The following PPP1R1C variants were observed in gnomAD, a reference collection of about 807,000 sequenced individuals.
The protein encoded by PPP1R1C is protein phosphatase 1 regulatory inhibitor subunit 1C, also known as protein phosphatase 1 regulatory subunit 1C.
A neutral mutation model predicts 17.4 loss-of-function variants in PPP1R1C; 15 were observed. The ratio of observed to expected loss-of-function variants is 0.86; its 90% confidence interval spans 0.58 to 1.33. PPP1R1C has a LOEUF of 1.33. Among genes scored for constraint, PPP1R1C ranks in the 40% most tolerant of loss-of-function variants. The pLI is 0.00. For synonymous variants in PPP1R1C, 35 were observed against 43.1 expected, an observed-to-expected ratio of 0.81 and a Z score of 0.73; for missense variants, 143 against 130.0, an observed-to-expected ratio of 1.10 and a Z score of -0.48.
At chr2:182,130,440 G>A (rs928662325), downstream of PPP1R1C, 8 of 152,166 alleles carry the variant, frequency 5.3e-5, no homozygotes, top group Non-Finnish European at 8.8e-5. Flanking sequence ...TGAGGAATGA[G>A]TTTAATTGAC....
intron 1 of PPP1R1C, among the ~76,000 whole-genome samples, chr2:181,971,806 G>A (rs559409369): frequency 2.6e-5 from 4 of 152,208 alleles, no homozygotes; most frequent in East Asian, 1.9e-4. Flanking sequence ...TATAGATGCC[G>A]GCTTAGTTCT....
intron 2 of PPP1R1C, among the ~76,000 whole-genome samples, chr2:182,043,044 A>G (rs1445519977): frequency 7.2e-5 from 11 of 152,262 alleles, no homozygotes; most frequent in Admixed American, 6.5e-4. Flanking sequence ...ATGAGCCACC[A>G]GAAAAATTTT....
intron 4 of PPP1R1C, among the ~76,000 whole-genome samples, chr2:182,083,010 A>G (rs10930987): frequency 0.56 from 84,515 of 151,956 alleles, 23,948 homozygotes; most frequent in Non-Finnish European, 0.61. Context: ...AAAGCCTTGG[A>G]ACATGACCAG....
chr2:182,007,172 G>A (rs1685948022), intron 2 of PPP1R1C, among the ~76,000 whole-genome samples: 1 of 152,064 alleles, frequency 6.6e-6, no homozygotes, highest in South Asian at 2.1e-4. Context: ...AGTTTGATAA[G>A]ATGACATTCT....
At position 181,961,875 on chromosome 2, in the gene PPP1R1C, C is replaced by G; in HGVS notation, n.111+7241C>G. On this transcript the variant is annotated intron_variant and non_coding_transcript_variant, in intron 1 of 5. Coordinates refer to the PPP1R1C transcript ENST00000464264. The surrounding 1 kb of genome is among the most constrained non-coding windows in gnomAD (Gnocchi z 5.8). ...GCAGCTCCTCCTTGAGAGCCTCCAT[C>G]TCTGTCTCCAGTGGCAGCCAAGTGA... 1 of 827,052 alleles carries G rather than the reference C, an allele frequency of 1.2e-6. No individual in the cohort carries two copies. The highest frequency in any genetic ancestry group is 2.5e-5 in the East Asian group (1 of 40,074). 51.2% of individuals were successfully genotyped at this position (827,052 alleles called of 1,614,324 possible).
chr2:182,103,180 A>G (rs1230971092), intron 4 of PPP1R1C, among the ~76,000 whole-genome samples: 2 of 152,228 alleles, frequency 1.3e-5, no homozygotes, highest in Non-Finnish European at 2.9e-5. Context: ...TTAAAAAAAA[A>G]TCTCAAGTTA....
chr2:182,056,009 T>C (rs550398591), intron 2 of PPP1R1C, among the ~76,000 whole-genome samples: 1 of 152,350 alleles, frequency 6.6e-6, no homozygotes, highest in South Asian at 2.1e-4. Flanking sequence ...TTCAATACTA[T>C]ATACTTGTCA....
intron 4 of PPP1R1C, among the ~76,000 whole-genome samples, chr2:182,087,126 T>C (rs971917821): frequency 6.6e-6 from 1 of 152,226 alleles, no homozygotes; most frequent in Non-Finnish European, 1.5e-5. Context: ...GTTGTTATCA[T>C]TGTTGTTTGA....
chr2:181,991,757 C>A (rs1189580816), intron 2 of PPP1R1C, among the ~76,000 whole-genome samples: 1 of 152,154 alleles, frequency 6.6e-6, no homozygotes, highest in East Asian at 1.9e-4. Flanking sequence ...TTAAGGGCCT[C>A]TTTATGATAA....
intron 3 of PPP1R1C, among the ~76,000 whole-genome samples, chr2:182,062,440 G>A (rs75130231): frequency 0.03 from 4,555 of 151,934 alleles, 99 homozygotes; most frequent in African/African-American, 0.056. Context: ...AAACTGATTC[G>A]TTCTCAAAAC....
chr2:182,014,328 T>A (rs143123078), intron 2 of PPP1R1C, among the ~76,000 whole-genome samples: 1,799 of 152,314 alleles, frequency 0.012, 23 homozygotes, highest in South Asian at 0.051. Flanking sequence ...CTTGTTAAAA[T>A]CTGAGGGACT....
rs892238358 is a variant in PPP1R1C at position 182,123,860 on chromosome 2, G to A, written c.*7-5114G>A. On this transcript the variant is annotated intron_variant, in intron 5 of 5. Coordinates refer to the PPP1R1C transcript ENST00000280295. ...CGTACAGAAGCTCTTTAGTTTAATTGGATCCCATTTGTCAATTTTGGCTTT... is the reference window on the plus strand; with the variant it reads ...CGTACAGAAGCTCTTTAGTTTAATTAGATCCCATTTGTCAATTTTGGCTTT... Among the ~76,000 whole-genome samples the A allele has an allele frequency of 7.3e-4, 111 of 151,916 alleles. 7 individuals carry two copies. Among genetic ancestry groups the A allele is most frequent in the Non-Finnish European group, 1.5e-5 (1 of 67,922 alleles).
intron 2 of PPP1R1C, among the ~76,000 whole-genome samples, chr2:181,999,211 C>T (rs1685694561): frequency 1.3e-5 from 2 of 152,116 alleles, no homozygotes; most frequent in South Asian, 4.1e-4. Flanking sequence ...GAAAAAATGC[C>T]TCTAAGCAAC....
chr2:181,973,809 C>T (rs1216483775), intron 1 of PPP1R1C, among the ~76,000 whole-genome samples: 1 of 152,218 alleles, frequency 6.6e-6, no homozygotes, highest in African/African-American at 2.4e-5. Context: ...TATGGCCCCA[C>T]TGACATCTAC....
chr2:182,110,094 A>G (rs943949040), intron 4 of PPP1R1C, among the ~76,000 whole-genome samples: 2 of 142,448 alleles, frequency 1.4e-5, no homozygotes, highest in African/African-American at 5.4e-5. Flanking sequence ...AGTATACCTC[A>G]AGACAGCTAA....
chr2:182,111,459 T>A (rs1689435372), intron 4 of PPP1R1C, among the ~76,000 whole-genome samples: 1 of 152,152 alleles, frequency 6.6e-6, no homozygotes. Flanking sequence ...TCAAATAAAA[T>A]AGAAAGGGAT....
intron 2 of PPP1R1C, among the ~76,000 whole-genome samples, chr2:182,002,363 T>G (rs1022403246): frequency 1.3e-5 from 2 of 152,022 alleles, no homozygotes; most frequent in South Asian, 2.1e-4. Flanking sequence ...GATATAAACT[T>G]GAAACTGACA....
chr2:182,025,001 T>C (rs1686554334), intron 2 of PPP1R1C, among the ~76,000 whole-genome samples: 1 of 149,300 alleles, frequency 6.7e-6, no homozygotes, highest in East Asian at 1.9e-4. Flanking sequence ...GTGAGGAATA[T>C]ACACTAAAAG....
chr2:182,047,693 G>A (rs1159587746), intron 2 of PPP1R1C, among the ~76,000 whole-genome samples: 1 of 152,070 alleles, frequency 6.6e-6, no homozygotes, highest in Non-Finnish European at 1.5e-5. Flanking sequence ...ATGGTTGTGT[G>A]GTAGGATAAA....
Sources: gnomAD v4.1 joint callset for allele counts (sites outside exome capture counted in the v4.1 genomes callset) on GRCh38, gnomAD v4.1.1 for gene constraint, Gnocchi (gnomAD v3.1) non-coding constraint, MANE v1.5 for transcripts, NCBI Gene and HGNC (gene_info 2026-07-23, HGNC 2026-07-21) for gene names.